Variants in CA10 observed in about 807,000 individuals in gnomAD.
CA10 encodes the protein carbonic anhydrase 10 (inactive).
A neutral mutation model predicts 44.2 loss-of-function variants in CA10; 14 were observed. The ratio of observed to expected loss-of-function variants is 0.32; its 90% CI spans 0.21 to 0.50. The LOEUF is 0.50. Ranked by LOEUF, CA10 falls within the 20% of genes least tolerant of loss-of-function variation. The pLI is 0.99. For synonymous variants in CA10, 159 were observed against 141.6 expected (o/e 1.12, Z -0.87); for missense variants, 350 against 409.7 (o/e 0.85, Z 1.26).
At chr17:51,659,828 T>A (rs1913934157) in intron 4 of CA10, among the ~76,000 whole-genome samples, 1 of 152,204 alleles carries the variant, frequency 6.6e-6, no homozygotes, top group African/African-American at 2.4e-5. Context: ...CTGTGACTAT[T>A]TGAGTTCATA....
At chr17:51,650,136 C>T (rs1048645621) in intron 5 of CA10, among the ~76,000 whole-genome samples, 2 of 152,134 alleles carry the variant, frequency 1.3e-5, no homozygotes, top group African/African-American at 2.4e-5. Flanking sequence ...GGAGAAGAAA[C>T]CAGGTTTCCA....
At chr17:51,806,084 A>G (rs1368385426) in intron 3 of CA10, among the ~76,000 whole-genome samples, 1 of 152,240 alleles carries the variant, frequency 6.6e-6, no homozygotes, top group Non-Finnish European at 1.5e-5. Context: ...GTCAGGGTCC[A>G]GAACCTTCAG....
At chr17:52,122,827 T>C (rs368356938) in intron 1 of CA10, among the ~76,000 whole-genome samples, 47 of 152,346 alleles carry the variant, frequency 3.1e-4, no homozygotes, top group African/African-American at 1.1e-3. Context: ...CATTAACTTT[T>C]CCATTTCTGC....
intron 2 of CA10, among the ~76,000 whole-genome samples, chr17:52,017,109 T>C (rs1985993081): frequency 6.6e-6 from 1 of 152,104 alleles, no homozygotes; most frequent in South Asian, 2.1e-4. Flanking sequence ...AAACCTCTTT[T>C]CTTTATAAAT....
chr17:51,694,174 A>G (rs1362682342), intron 4 of CA10, among the ~76,000 whole-genome samples: 1 of 151,910 alleles, frequency 6.6e-6, no homozygotes, highest in Non-Finnish European at 1.5e-5. Flanking sequence ...ATTGCACTCC[A>G]GCCTGGGCAA....
intron 3 of CA10, among the ~76,000 whole-genome samples, chr17:51,859,653 A>C (rs1234586053): frequency 6.6e-6 from 1 of 152,168 alleles, no homozygotes; most frequent in Non-Finnish European, 1.5e-5. Context: ...TTTTGGGCAC[A>C]TTATATGAAC....
intron 4 of CA10, among the ~76,000 whole-genome samples, chr17:51,685,913 G>C (rs1914993069): frequency 6.6e-6 from 1 of 152,234 alleles, no homozygotes; most frequent in African/African-American, 2.4e-5. Flanking sequence ...AATGCTGGCT[G>C]TTGCTGCTTA....
At chr17:51,742,969 T>C (rs1157055981) in intron 4 of CA10, among the ~76,000 whole-genome samples, 2 of 152,212 alleles carry the variant, frequency 1.3e-5, no homozygotes, top group East Asian at 3.8e-4. Context: ...CATTATGTGG[T>C]ATTATCAATA....
intron 2 of CA10, among the ~76,000 whole-genome samples, chr17:51,947,355 A>G (rs1208771968): frequency 6.6e-6 from 1 of 152,040 alleles, no homozygotes; most frequent in Non-Finnish European, 1.5e-5. Flanking sequence ...ATAAAATCCG[A>G]CAAAGGTTCA....
chr17:51,911,962 G>A (rs1981806646), intron 3 of CA10, among the ~76,000 whole-genome samples: 2 of 152,144 alleles, frequency 1.3e-5, no homozygotes, highest in Non-Finnish European at 2.9e-5. Flanking sequence ...ATGGTTAAAT[G>A]TATGACAAAT....
At chr17:51,970,909 A>T (rs957826879) in intron 2 of CA10, among the ~76,000 whole-genome samples, 2 of 152,054 alleles carry the variant, frequency 1.3e-5, no homozygotes, top group Non-Finnish European at 2.9e-5. Context: ...CAGTAGAGAA[A>T]GTGGACAAGC....
At chr17:52,103,917 G>C (rs1988598062) in intron 1 of CA10, among the ~76,000 whole-genome samples, 1 of 152,216 alleles carries the variant, frequency 6.6e-6, no homozygotes, top group Non-Finnish European at 1.5e-5. Flanking sequence ...ATATAGTGAA[G>C]CAAGCTCGGG....
intron 4 of CA10, among the ~76,000 whole-genome samples, chr17:51,687,610 T>A (rs1915051099): frequency 6.6e-6 from 1 of 152,218 alleles, no homozygotes; most frequent in Non-Finnish European, 1.5e-5. Flanking sequence ...GGTTTCCGGG[T>A]CAAGTTTTTG....
At chr17:51,634,818 T>C (rs996827663) in intron 7 of CA10, among the ~76,000 whole-genome samples, 3 of 152,240 alleles carry the variant, frequency 2.0e-5, no homozygotes, top group Admixed American at 1.3e-4. Flanking sequence ...TATTTAACTT[T>C]TTAAAACCCA....
Position 52,158,101 on chromosome 17 carries a change from A to AGCGGCGGCG in CA10, c.-324_-316dup, listed in dbSNP as rs558948284. ...CACCAGCGGCGGAAACCGCACTAGC[A>AGCGGCGGCG]GCGGCGGCGGCGGCGGCGGCGGCAG... On this transcript the variant is annotated 5_prime_UTR_variant, in exon 1 of 9. Coordinates refer to ENST00000451037, the MANE Select transcript of CA10 (RefSeq NM_020178.5). 3 of 491,228 alleles carry AGCGGCGGCG rather than the reference A, an allele frequency of 6.1e-6. No individual in the cohort carries two copies. Among genetic ancestry groups the AGCGGCGGCG allele is most frequent in the South Asian group, 2.0e-5 (1 of 49,698 alleles). The allele number at this position is 491,228 out of a possible 1,614,324, so 30.4% of individuals were successfully genotyped here.
At chr17:51,981,196 T>C (rs1014477157) in intron 2 of CA10, among the ~76,000 whole-genome samples, 3 of 152,098 alleles carry the variant, frequency 2.0e-5, no homozygotes, top group Non-Finnish European at 2.9e-5. Flanking sequence ...TATTAAAATC[T>C]ATGTTGACAT....
chr17:51,810,542 G>C (rs576263135), intron 3 of CA10, among the ~76,000 whole-genome samples: 6 of 152,172 alleles, frequency 3.9e-5, no homozygotes, highest in African/African-American at 1.4e-4. Context: ...GTGGTGAAAC[G>C]TGCTATGCAG....
intron 5 of CA10, among the ~76,000 whole-genome samples, chr17:51,651,422 G>C (rs1913559858): frequency 6.6e-6 from 1 of 152,166 alleles, no homozygotes; most frequent in Non-Finnish European, 1.5e-5. Context: ...GAAATGTTGT[G>C]GCTTATTTTG....
chr17:51,781,779 T>C (rs1292104072), intron 3 of CA10, among the ~76,000 whole-genome samples: 1 of 152,240 alleles, frequency 6.6e-6, no homozygotes, highest in Non-Finnish European at 1.5e-5. Flanking sequence ...AGAACAATCA[T>C]GACATGTAAC....
Sources: allele counts gnomAD v4.1 joint callset (sites outside exome capture counted in the v4.1 genomes callset), GRCh38; gene constraint gnomAD v4.1.1; transcripts MANE v1.5; gene names NCBI Gene and HGNC (gene_info 2026-07-23, HGNC 2026-07-21).